SLIT1: variants seen among roughly 807,000 people sequenced by gnomAD.
The protein encoded by SLIT1 is slit homolog 1 protein.
Under a neutral mutation model 186.1 loss-of-function variants are expected in SLIT1, and 66 were observed. The observed-to-expected ratio is 0.35, with a 90% confidence interval of 0.29 to 0.44. SLIT1 has a LOEUF of 0.44. SLIT1 is among the 20% of genes least tolerant of loss of function. The pLI is 1.00. For missense variants in SLIT1, 1,638 were observed against 2,037.4 expected (o/e 0.80, Z 3.77); for synonymous variants, 761 against 833.8 (o/e 0.91, Z 1.50).
chr10:97,115,125 A>C (rs1849497560), intron 4 of SLIT1, among the ~76,000 whole-genome samples: 1 of 152,188 alleles, frequency 6.6e-6, no homozygotes, highest in Non-Finnish European at 1.5e-5. Flanking sequence ...TGTGAGCTTC[A>C]AGGAAACATT....
At chr10:97,091,668 C>T (rs1471497670) in intron 4 of SLIT1, among the ~76,000 whole-genome samples, 1 of 152,204 alleles carries the variant, frequency 6.6e-6, no homozygotes, top group Admixed American at 6.5e-5. Context: ...ACTTCTAGCT[C>T]GTTTACAGTC....
At chr10:97,111,757 C>T (rs1023178456) in intron 4 of SLIT1, among the ~76,000 whole-genome samples, 6 of 152,322 alleles carry the variant, frequency 3.9e-5, no homozygotes, top group African/African-American at 7.2e-5. Context: ...AGCGTTCACT[C>T]GTTTCCATGA....
chr10:97,119,472 T>C (rs1228131363), intron 4 of SLIT1, among the ~76,000 whole-genome samples: 1 of 152,164 alleles, frequency 6.6e-6, no homozygotes, highest in African/African-American at 2.4e-5. Context: ...GGGGCCTTGC[T>C]AATTAATCTG....
At chr10:97,036,621 G>A (rs912678265) in intron 22 of SLIT1, among the ~76,000 whole-genome samples, 5 of 152,204 alleles carry the variant, frequency 3.3e-5, no homozygotes, top group South Asian at 2.1e-4. Context: ...TGGTGTAAGC[G>A]CCATATCTAA....
chr10:97,108,467 G>C (rs926830205), intron 4 of SLIT1, among the ~76,000 whole-genome samples: 1 of 152,218 alleles, frequency 6.6e-6, no homozygotes, highest in Non-Finnish European at 1.5e-5. Flanking sequence ...GAGAGTTCCA[G>C]AGGGCCCAGG....
In SLIT1 at chr10:97,185,491, T is replaced by C. The variant is rs767881197; in HGVS notation, c.184A>G (p.Asn62Asp). 1 of 1,612,058 alleles carries C rather than the reference T, an allele frequency of 6.2e-7. No homozygotes were observed. Among genetic ancestry groups the C allele is most frequent in the Admixed American group, 1.7e-5 (1 of 59,976 alleles). The change falls in exon 1 of 37, where the codon AAC becomes GAC. Residue 62 changes from asparagine (N) to aspartate (D), a missense_variant. Coordinates refer to ENST00000266058, the MANE Select transcript of SLIT1 (RefSeq NM_003061.3). ...LQAIPKNIPR[N>D]TERLELNGNN... is the part of the protein sequence containing the mutation. ...GACCATACTCACAGGCGCTCGGTGTTCCGAGGTATATTCTTGGGAATGGCC... is the reference window on the plus strand; with the variant it reads ...GACCATACTCACAGGCGCTCGGTGTCCCGAGGTATATTCTTGGGAATGGCC...
chr10:97,168,204 A>G (rs796221876), intron 1 of SLIT1, among the ~76,000 whole-genome samples: 4 of 152,338 alleles, frequency 2.6e-5, no homozygotes, highest in African/African-American at 9.6e-5. Flanking sequence ...ATAAACCAAC[A>G]TAATATCCAA....
chr10:97,176,406 A>T (rs1473143448), intron 1 of SLIT1, among the ~76,000 whole-genome samples: 2 of 150,964 alleles, frequency 1.3e-5, no homozygotes, highest in Non-Finnish European at 3.0e-5. Context: ...CCCCATTCCC[A>T]CATTCCCCAA....
Position 97,014,104 on chromosome 10 carries a change from G to A in SLIT1, c.3024C>T (p.Asp1008=). Residue 1008 remains aspartate (D), a synonymous_variant, in exon 29 of 37, where the codon GAC becomes GAT. Coordinates refer to ENST00000266058, the MANE Select transcript of SLIT1 (RefSeq NM_003061.3). ...CATTGGCACAGGCATGATCCACACA[G>A]TCATCTGTGTTCACCCCACAGGTTG... ...EGPTCGVNTD[D]CVDHACANGG... The A allele has an allele frequency of 6.2e-7, 1 of 1,614,038 alleles. No homozygotes were observed. Among genetic ancestry groups the A allele is most frequent in the Non-Finnish European group, 8.5e-7 (1 of 1,180,012 alleles).
intron 4 of SLIT1, among the ~76,000 whole-genome samples, chr10:97,128,633 C>G (rs1195121691): frequency 6.6e-6 from 1 of 152,194 alleles, no homozygotes; most frequent in Non-Finnish European, 1.5e-5. Flanking sequence ...AAAGGCATGC[C>G]TGGAGCCCAG....
rs1327547223 is a variant in SLIT1 at position 97,064,198 on chromosome 10, C to G, written c.599G>C (p.Ser200Thr). The change falls in exon 7 of 37, where the codon AGC becomes ACC. Residue 200 changes from serine (S) to threonine (T), a missense_variant. By Grantham distance (58) the Ser-to-Thr change is moderately conservative (BLOSUM62 1). This residue lies in a region of SLIT1 where 1,245 missense variants were observed against 1,535.3 expected (regional missense o/e 0.81). Coordinates refer to ENST00000266058, the MANE Select transcript of SLIT1 (RefSeq NM_003061.3). ...CCGTAGCTTGGGCATATGGTTGAAGCTGGACACGGGGATGGTGGTGATATT... is the reference window on the plus strand; with the variant it reads ...CCGTAGCTTGGGCATATGGTTGAAGGTGGACACGGGGATGGTGGTGATATT... ...NNNITTIPVSSFNHMPKLRTF... is the reference protein window; with the variant it reads ...NNNITTIPVSTFNHMPKLRTF... 1.9e-6 allele frequency: 3 copies of G among 1,613,894 alleles called. No homozygotes were observed. Among genetic ancestry groups the G allele is most frequent in the South Asian group, 1.1e-5 (1 of 90,932 alleles).
intron 4 of SLIT1, among the ~76,000 whole-genome samples, chr10:97,147,911 C>T (rs1849835622): frequency 6.6e-6 from 1 of 152,200 alleles, no homozygotes; most frequent in Non-Finnish European, 1.5e-5. Flanking sequence ...CCTCTTCACC[C>T]TCCTGTGTCT....
Position 97,043,095 on chromosome 10 carries a change from G to C in SLIT1, c.1998-28C>G. 1 of 1,607,630 alleles carries C rather than the reference G, an allele frequency of 6.2e-7. No homozygotes were observed. The highest frequency in any genetic ancestry group is 8.5e-7 in the Non-Finnish European group (1 of 1,176,570). ...GGAAGAGGCAGGCCAGGCGGCCATG[G>C]AGACACTCTGCCCCTCTCAGAGGTC... On this transcript the variant is annotated intron_variant, in intron 19 of 36. Transcript: ENST00000266058. The surrounding 1 kb of genome is among the most constrained non-coding windows in gnomAD (Gnocchi z 7.0).
intron 4 of SLIT1, among the ~76,000 whole-genome samples, chr10:97,125,595 T>C (rs1849597023): frequency 6.7e-6 from 1 of 150,294 alleles, no homozygotes; most frequent in Non-Finnish European, 1.5e-5. Context: ...TCCCAGCACT[T>C]TGGGAGGCTG....
At chr10:97,162,401 G>A (rs1415228731) in intron 3 of SLIT1, among the ~76,000 whole-genome samples, 1 of 152,172 alleles carries the variant, frequency 6.6e-6, no homozygotes, top group Non-Finnish European at 1.5e-5. Flanking sequence ...CCTGAGGTCA[G>A]GGGTTCAAGA....
At chr10:97,018,854 T>C in intron 27 of SLIT1, 129 bp downstream of exon 27, 10 of 658,336 alleles carry the variant, frequency 1.5e-5, no homozygotes, top group Non-Finnish European at 2.4e-5. Flanking sequence ...CATTCATTCA[T>C]ATGTTAAGTC....
At chr10:97,040,845 C>T (rs760490278) in intron 20 of SLIT1, among the ~76,000 whole-genome samples, 18 of 152,140 alleles carry the variant, frequency 1.2e-4, no homozygotes, top group Non-Finnish European at 1.9e-4. Context: ...ATAATATCAC[C>T]ACGGTCGGAG....
Position 97,046,695 on chromosome 10 carries a change from G to A in SLIT1, c.1812C>T (p.Ile604=). The A allele has an allele frequency of 1.2e-6, 2 of 1,611,552 alleles. No individual in the cohort carries two copies. Among genetic ancestry groups the A allele is most frequent in the East Asian group, 4.5e-5 (2 of 44,888 alleles). ...LHLTANQLES[I]RSGMFRGLDG... is the part of the protein sequence containing the mutation. ...CCAGACCCCGGAACATGCCGCTCCG[G>A]ATGGACTCCAGCTGGTTGGCAGTTA... The change falls in exon 18 of 37, where the codon ATC becomes ATT. Residue 604 remains isoleucine (I), a synonymous_variant. Coordinates refer to ENST00000266058, the MANE Select transcript of SLIT1 (RefSeq NM_003061.3).
intron 4 of SLIT1, among the ~76,000 whole-genome samples, chr10:97,141,354 G>T (rs1000117679): frequency 6.6e-6 from 1 of 152,084 alleles, no homozygotes. Context: ...TTACTCTCAG[G>T]GTTCCTCTAC....
Sources: gnomAD v4.1 joint callset for allele counts (sites outside exome capture counted in the v4.1 genomes callset) on GRCh38, gnomAD v4.1.1 for gene constraint, gnomAD v4.1.1 regional missense constraint, Gnocchi (gnomAD v3.1) non-coding constraint, MANE v1.5 for transcripts, NCBI Gene and HGNC (gene_info 2026-07-23, HGNC 2026-07-21) for gene names.